PTK2: variants seen among roughly 807,000 people sequenced by gnomAD.
PTK2 encodes focal adhesion kinase 1.
A neutral mutation model predicts 150.1 loss-of-function variants in PTK2; 45 were observed. The observed-to-expected ratio is 0.30, with a 90% CI of 0.24 to 0.38. The LOEUF (loss-of-function observed/expected upper bound fraction) is 0.38, where lower values mean the gene tolerates loss of function less well. Among genes scored for constraint, PTK2 ranks in the 10% least tolerant of loss-of-function variants. PTK2 has a pLI of 1.00. For synonymous variants in PTK2, 432 were observed against 449.2 expected (o/e 0.96, Z 0.48); for missense variants, 919 against 1,307.3 (o/e 0.70, Z 4.58).
intron 22 of PTK2, chr8:140,734,775 A>T: frequency 1.9e-6 from 1 of 515,968 alleles, no homozygotes; most frequent in South Asian, 1.4e-5. Flanking sequence ...GTAACATCTG[A>T]GCTGGGTTCT....
chr8:140,723,103 T>C (rs1235247146), intron 22 of PTK2, among the ~76,000 whole-genome samples: 1 of 152,178 alleles, frequency 6.6e-6, no homozygotes, highest in African/African-American at 2.4e-5. Flanking sequence ...CTACACACAC[T>C]TCCCCTATTC....
At chr8:141,000,965 C>G (rs573875951) in intron 1 of PTK2, 160 bp downstream of exon 1, 50 of 151,944 alleles carry the variant, frequency 3.3e-4, no homozygotes, top group African/African-American at 1.2e-3. Flanking sequence ...GGGCCGGGGG[C>G]GCGGGAGGGG....
chr8:140,741,448 C>CT (rs2100055610), intron 20 of PTK2, among the ~76,000 whole-genome samples: 1 of 149,732 alleles, frequency 6.7e-6, no homozygotes, highest in Admixed American at 6.6e-5. Context: ...GAGTGAGACT[C>CT]TGTCTCAAAA....
chr8:140,763,652 C>T (rs569275189), intron 15 of PTK2, among the ~76,000 whole-genome samples: 1 of 152,244 alleles, frequency 6.6e-6, no homozygotes, highest in Admixed American at 6.5e-5. Context: ...AGAATCTTGA[C>T]ATTTCCAGGC....
chr8:140,714,462 AAAAG>A (rs754648771), intron 23 of PTK2, among the ~76,000 whole-genome samples: 23 of 151,920 alleles, frequency 1.5e-4, no homozygotes, highest in African/African-American at 1.9e-4. Context: ...ATTTAAAAAA[AAAAG>A]AAAGAAAGGA....
At chr8:140,959,386 A>T (rs1354749047) in intron 1 of PTK2, among the ~76,000 whole-genome samples, 2 of 151,624 alleles carry the variant, frequency 1.3e-5, no homozygotes, top group African/African-American at 4.8e-5. Flanking sequence ...AAAAAAAAAA[A>T]AAATTAGCCA....
chr8:140,804,638 A>G (rs2100097271), intron 10 of PTK2, among the ~76,000 whole-genome samples: 1 of 152,222 alleles, frequency 6.6e-6, no homozygotes, highest in Admixed American at 6.5e-5. Context: ...TTTCTTCAAA[A>G]CAATTTGCTT....
intron 14 of PTK2, among the ~76,000 whole-genome samples, chr8:140,774,953 AC>A (rs2100077550): frequency 6.6e-6 from 1 of 151,838 alleles, no homozygotes; most frequent in Non-Finnish European, 1.5e-5. Flanking sequence ...CTAATAATCC[AC>A]CCCTTGTTTA....
At chr8:140,992,184 C>T (rs1265062266) in intron 1 of PTK2, among the ~76,000 whole-genome samples, 1 of 150,456 alleles carries the variant, frequency 6.6e-6, no homozygotes, top group Admixed American at 6.7e-5. Flanking sequence ...CATAGCTACT[C>T]AAGAGGCTGA....
chr8:140,837,994 G>C (rs2100119827), intron 7 of PTK2, among the ~76,000 whole-genome samples: 1 of 151,788 alleles, frequency 6.6e-6, no homozygotes, highest in Admixed American at 6.6e-5. Flanking sequence ...TCCAGGAGGA[G>C]GAGGTTGCTG....
rs374062700 is a variant in PTK2 at position 140,819,108 on chromosome 8, CTACT to C, written c.649-92_649-89del. The C allele has an allele frequency of 6.8e-5, 91 of 1,340,186 alleles. No individual in the cohort carries two copies. In the African/African-American group the frequency reaches 1.1e-3, roughly 17 times the overall value. 83.0% of individuals were successfully genotyped at this position (1,340,186 alleles called of 1,614,324 possible). A position where few individuals can be genotyped will look rare whatever the true frequency, so the allele number is the denominator to read the frequency against. On this transcript the variant is annotated intron_variant, in intron 8 of 31. Coordinates refer to ENST00000522684, the Ensembl canonical transcript of PTK2. ...AATGGTAAGATTTCTTTCCTACCAA[CTACT>C]TACTAACACCTACATTCAAATTACT...
intron 4 of PTK2, among the ~76,000 whole-genome samples, chr8:140,870,684 G>A (rs2100141984): frequency 6.6e-6 from 1 of 152,068 alleles, no homozygotes; most frequent in South Asian, 2.1e-4. Context: ...ATATAAAGAT[G>A]TTATAGATTA....
At position 140,878,255 on chromosome 8, in the gene PTK2, G is replaced by A. The variant is rs367868144; in HGVS notation, c.362+1216C>T. Among the ~76,000 whole-genome samples the A allele has an allele frequency of 9.2e-5, 14 of 152,212 alleles. No individual in the cohort carries two copies. The East Asian group carries it at 2.7e-3, about 29-fold the overall frequency. On this transcript the variant is annotated intron_variant, in intron 4 of 31. Transcript: ENST00000522684. Reference sequence around the variant, plus strand: ...GCTACCTGACAAATTTGAAAATACAGCTATATTTCTTTGATGAACTCTGTA... The same window carrying A: ...GCTACCTGACAAATTTGAAAATACAACTATATTTCTTTGATGAACTCTGTA...
At chr8:140,872,686 C>T (rs370479355) in intron 4 of PTK2, among the ~76,000 whole-genome samples, 4 of 152,240 alleles carry the variant, frequency 2.6e-5, no homozygotes, top group East Asian at 3.8e-4. Context: ...ACCCCTGCCA[C>T]GGCTCTGGGC....
At chr8:140,681,929 G>T (rs1463541131) in intron 27 of PTK2, among the ~76,000 whole-genome samples, 1 of 152,150 alleles carries the variant, frequency 6.6e-6, no homozygotes, top group Non-Finnish European at 1.5e-5. Context: ...TTAAGCAGTA[G>T]GATATAAATA....
At chr8:140,698,440 T>C (rs1465086040) in intron 26 of PTK2, among the ~76,000 whole-genome samples, 22 of 152,190 alleles carry the variant, frequency 1.4e-4, no homozygotes, top group Admixed American at 1.4e-3. Flanking sequence ...AGATTAGTGG[T>C]AGTAAATAAT....
In PTK2 at chr8:140,890,527, G is replaced by A; in HGVS notation, c.195+16C>T. ...TAAATAAACATTAAAGATGTCTCAT[G>A]GAAAAACGTACTTACCCTGACATCA... On this transcript the variant is annotated intron_variant, in intron 3 of 31. Coordinates refer to ENST00000522684, the Ensembl canonical transcript of PTK2. 6.3e-7 allele frequency: 1 copy of A among 1,598,692 alleles called. No individual in the cohort carries two copies. Among genetic ancestry groups the A allele is most frequent in the Non-Finnish European group, 8.6e-7 (1 of 1,166,974 alleles).
At chr8:140,782,886 C>T (rs898460950) in intron 14 of PTK2, among the ~76,000 whole-genome samples, 2 of 152,110 alleles carry the variant, frequency 1.3e-5, no homozygotes, top group African/African-American at 4.8e-5. Flanking sequence ...TGGAATCACA[C>T]GCAAACTCTT....
intron 23 of PTK2, among the ~76,000 whole-genome samples, chr8:140,713,963 C>T (rs1360118123): frequency 6.6e-6 from 1 of 152,146 alleles, no homozygotes; most frequent in Admixed American, 6.5e-5. Context: ...CATGACTCTC[C>T]ATGCAGCCTA....
Sources: gnomAD v4.1 joint callset for allele counts (sites outside exome capture counted in the v4.1 genomes callset) on GRCh38, gnomAD v4.1.1 for gene constraint, MANE v1.5 for transcripts, NCBI Gene and HGNC (gene_info 2026-07-23, HGNC 2026-07-21) for gene names.